The following CA10 variants were observed in gnomAD, a reference collection of about 807,000 sequenced individuals.
CA10 encodes carbonic anhydrase 10 (inactive), also known as carbonic anhydrase-related protein 10.
In CA10, 14 loss-of-function variants were observed where a neutral mutation model predicts 44.2. The ratio of observed to expected loss-of-function variants is 0.32; its 90% CI spans 0.21 to 0.50. The LOEUF (loss-of-function observed/expected upper bound fraction) is 0.50. CA10 is among the 20% of genes least tolerant of loss of function. The probability of loss-of-function intolerance (pLI) is 0.99; values close to 1 mark genes in which losing one functional copy is unlikely to be tolerated. For synonymous variants in CA10, 159 were observed against 141.6 expected, an observed-to-expected ratio of 1.12 and a Z score of -0.87; for missense variants, 350 against 409.7, an observed-to-expected ratio of 0.85 and a Z score of 1.26.
At chr17:51,791,196 A>T (rs1906505390) in intron 3 of CA10, among the ~76,000 whole-genome samples, 1 of 152,182 alleles carries the variant, frequency 6.6e-6, no homozygotes, top group African/African-American at 2.4e-5. Flanking sequence ...CCTCCTAGTA[A>T]ATAGAAGAGC....
chr17:51,689,422 T>C (rs1915113013), intron 4 of CA10, among the ~76,000 whole-genome samples: 2 of 152,216 alleles, frequency 1.3e-5, no homozygotes, highest in South Asian at 4.1e-4. Flanking sequence ...CCCAATGATT[T>C]TGAATGAATG....
At chr17:51,739,582 C>T (rs552671069) in intron 4 of CA10, among the ~76,000 whole-genome samples, 70 of 152,110 alleles carry the variant, frequency 4.6e-4, no homozygotes, top group African/African-American at 1.5e-3. Flanking sequence ...ATGAGTTGAC[C>T]GCAGGAGGCT....
At chr17:51,795,227 T>G (rs1374181531) in intron 3 of CA10, among the ~76,000 whole-genome samples, 2 of 152,206 alleles carry the variant, frequency 1.3e-5, no homozygotes, top group Non-Finnish European at 2.9e-5. Flanking sequence ...AGGACCTTCC[T>G]GGGCTTGATC....
chr17:51,787,814 G>A (rs543576928), intron 3 of CA10, among the ~76,000 whole-genome samples: 13 of 152,184 alleles, frequency 8.5e-5, no homozygotes, highest in African/African-American at 2.4e-4. Context: ...CAGTTTTAAC[G>A]TCTCCTTTTT....
At chr17:52,029,242 C>A (rs953957279) in intron 2 of CA10, among the ~76,000 whole-genome samples, 22 of 152,126 alleles carry the variant, frequency 1.4e-4, no homozygotes, top group African/African-American at 5.1e-4. Flanking sequence ...ATCTCCTGGA[C>A]CCCCTCTTGC....
chr17:51,668,582 G>A (rs886871270), intron 4 of CA10, among the ~76,000 whole-genome samples: 1 of 152,152 alleles, frequency 6.6e-6, no homozygotes. Flanking sequence ...TGTTTTGTCC[G>A]GTGTACTGTC....
Position 51,747,646 on chromosome 17 carries a change from G to A in CA10, c.452C>T (p.Ala151Val). 3.1e-6 allele frequency: 5 copies of A among 1,612,464 alleles called. No individual in the cohort carries two copies. Among genetic ancestry groups the A allele is most frequent in the South Asian group, 1.1e-5 (1 of 90,722 alleles). Reference protein sequence around the residue: ...QGSEHLLNGQAFSGEVQLIHY... With the variant: ...QGSEHLLNGQVFSGEVQLIHY... ...AGACTAACATACCTCCCCAGAGAAG[G>A]CCTGTCCATTGAGGAGGTGCTCCGA... The change falls in exon 4 of 9, where the codon GCC becomes GTC. Residue 151 changes from alanine (A) to valine (V), a missense_variant. Ala to Val is a moderately conservative substitution (Grantham distance 64). Coordinates refer to ENST00000451037, the MANE Select transcript of CA10 (RefSeq NM_020178.5).
At chr17:51,688,272 GA>G (rs1380252242) in intron 4 of CA10, among the ~76,000 whole-genome samples, 1 of 152,190 alleles carries the variant, frequency 6.6e-6, no homozygotes, top group Non-Finnish European at 1.5e-5. Context: ...CCCCTAGCCA[GA>G]ACTACCCAGC....
At chr17:52,018,627 G>T (rs188624707) in intron 2 of CA10, among the ~76,000 whole-genome samples, 1 of 152,008 alleles carries the variant, frequency 6.6e-6, no homozygotes, top group African/African-American at 2.4e-5. Flanking sequence ...TGACAATCTC[G>T]TAGGTAGAAG....
rs555053542 is a variant in CA10 at position 51,774,185 on chromosome 17, AT to A, written c.280-26368del. 5.4e-3 allele frequency among the ~76,000 whole-genome samples: 825 copies of A among 152,316 alleles called. 4 individuals carry two copies. The highest frequency in any genetic ancestry group is 8.9e-3 in the Non-Finnish European group (608 of 68,036). On this transcript the variant is annotated intron_variant, in intron 3 of 8. Transcript: ENST00000451037. ...TGTGACTTAAAATACAAAAGGTGCAATTTATGCAAGTTTTAAAGTTACTTTT... is the reference window on the plus strand; with the variant it reads ...TGTGACTTAAAATACAAAAGGTGCAATTATGCAAGTTTTAAAGTTACTTTT...
At chr17:52,007,568 C>G (rs1042020809) in intron 2 of CA10, among the ~76,000 whole-genome samples, 2 of 151,508 alleles carry the variant, frequency 1.3e-5, no homozygotes, top group Non-Finnish European at 3.0e-5. Flanking sequence ...GGCCTATGGT[C>G]ATATTCCTGG....
chr17:51,853,189 T>G (rs1341159203), intron 3 of CA10, among the ~76,000 whole-genome samples: 1 of 152,154 alleles, frequency 6.6e-6, no homozygotes, highest in Non-Finnish European at 1.5e-5. Flanking sequence ...ATTTTTAAAG[T>G]CCCAATGATG....
intron 1 of CA10, among the ~76,000 whole-genome samples, chr17:52,075,723 G>C (rs192800246): frequency 6.6e-6 from 1 of 151,926 alleles, no homozygotes; most frequent in Non-Finnish European, 1.5e-5. Context: ...CCCCAGAAAC[G>C]GTGACATCCC....
At chr17:51,789,130 T>G (rs1906410387) in intron 3 of CA10, among the ~76,000 whole-genome samples, 1 of 152,168 alleles carries the variant, frequency 6.6e-6, no homozygotes, top group Non-Finnish European at 1.5e-5. Context: ...TTCTCCTGCC[T>G]CAGCCTCCTG....
intron 4 of CA10, among the ~76,000 whole-genome samples, chr17:51,744,279 C>T (rs930662770): frequency 6.7e-6 from 1 of 150,024 alleles, no homozygotes; most frequent in African/African-American, 2.5e-5. Flanking sequence ...CATGGCACTG[C>T]ACTTCAGCCT....
intron 3 of CA10, among the ~76,000 whole-genome samples, chr17:51,756,899 G>A (rs1173250157): frequency 6.6e-6 from 1 of 152,140 alleles, no homozygotes; most frequent in African/African-American, 2.4e-5. Flanking sequence ...GACCCAGGGT[G>A]GCAGGGCAGT....
At chr17:51,989,190 C>A (rs1984953178) in intron 2 of CA10, among the ~76,000 whole-genome samples, 1 of 148,458 alleles carries the variant, frequency 6.7e-6, no homozygotes, top group African/African-American at 2.5e-5. Context: ...TTCAGCGGTA[C>A]AAGTACAGGT....
intron 3 of CA10, among the ~76,000 whole-genome samples, chr17:51,921,400 G>C (rs1982226057): frequency 6.6e-6 from 1 of 152,198 alleles, no homozygotes; most frequent in South Asian, 2.1e-4. Context: ...AGCAGAGCTA[G>C]TTCTCCCCTA....
intron 1 of CA10, among the ~76,000 whole-genome samples, chr17:52,123,460 G>T (rs192048438): frequency 6.6e-6 from 1 of 151,174 alleles, no homozygotes; most frequent in East Asian, 1.9e-4. Flanking sequence ...AGTTCTTTGG[G>T]GACCTAAGGA....
Sources: allele counts gnomAD v4.1 joint callset (sites outside exome capture counted in the v4.1 genomes callset), GRCh38; gene constraint gnomAD v4.1.1; transcripts MANE v1.5; gene names NCBI Gene and HGNC (gene_info 2026-07-23, HGNC 2026-07-21).